KLHL23: variants seen among roughly 807,000 people sequenced by gnomAD.
KLHL23 encodes kelch like family member 23.
In KLHL23, 33 loss-of-function variants were observed where a neutral mutation model predicts 48.9. The ratio of observed to expected loss-of-function variants is 0.67; its 90% confidence interval spans 0.51 to 0.90. KLHL23 has a LOEUF of 0.90. Among genes scored for constraint, KLHL23 ranks in the 40% least tolerant of loss-of-function variants. KLHL23 has a pLI of 0.00. For missense variants in KLHL23, 608 were observed against 669.6 expected, an observed-to-expected ratio of 0.91 and a Z score of 1.02; for synonymous variants, 234 against 231.6, an observed-to-expected ratio of 1.01 and a Z score of -0.09.
intron 1 of KLHL23, among the ~76,000 whole-genome samples, chr2:169,734,551 C>G (rs757694048): frequency 6.6e-6 from 1 of 152,156 alleles, no homozygotes; most frequent in Non-Finnish European, 1.5e-5. Context: ...TTTCCGAGAC[C>G]TCTTCTTGTC....
intron 1 of KLHL23, among the ~76,000 whole-genome samples, chr2:169,734,539 C>G (rs980551986): frequency 6.6e-6 from 1 of 152,186 alleles, no homozygotes; most frequent in East Asian, 1.9e-4. Flanking sequence ...CGGGATTTCC[C>G]TTTTCCGAGA....
intron 3 of KLHL23, among the ~76,000 whole-genome samples, chr2:169,745,900 G>GC (rs1320897143): frequency 6.6e-6 from 1 of 152,182 alleles, no homozygotes; most frequent in African/African-American, 2.4e-5. Flanking sequence ...TGTCCAGCAG[G>GC]CAAAGGGAAA....
At position 169,741,454 on chromosome 2, in the gene KLHL23, G is replaced by C. The variant is rs753602292; in HGVS notation, c.1283G>C (p.Arg428Thr). The stretch of plus-strand genomic sequence containing the variant: ...GTCATTGGTGGCCACTGTGGCTACA[G>C]AGGAAGCTGCACCTATGACAAAGTT... Reference protein sequence around the residue: ...IYVIGGHCGYRGSCTYDKVQS... With the variant: ...IYVIGGHCGYTGSCTYDKVQS... The change falls in exon 3 of 4, where the codon AGA becomes ACA. Residue 428 changes from arginine to threonine, a missense_variant. Around this residue, in one of 3 missense-constraint regions of KLHL23, gnomAD observed 179 missense variants for 169.9 expected, o/e 1.05. Coordinates refer to ENST00000392647, the MANE Select transcript of KLHL23 (RefSeq NM_144711.6). 1 of 1,614,058 alleles carries C rather than the reference G, an allele frequency of 6.2e-7. No individual in the cohort carries two copies.
chr2:169,748,771 G>GGC (rs1688866941), intron 3 of KLHL23, among the ~76,000 whole-genome samples: 3 of 110,266 alleles, frequency 2.7e-5, no homozygotes, highest in African/African-American at 8.9e-5. Context: ...GAGGAGGACC[G>GGC]CCCCCCCCCC....
In KLHL23 at chr2:169,735,935, T is replaced by A; in HGVS notation, c.921T>A (p.Asp307Glu). Residue 307 changes from aspartate (D) to glutamate (E), a missense_variant, in exon 2 of 4, where the codon GAT (aspartate) becomes GAA (glutamate). Coordinates refer to ENST00000392647, the MANE Select transcript of KLHL23 (RefSeq NM_144711.6). The surrounding 1 kb of genome is among the most constrained non-coding windows in gnomAD (Gnocchi z 4.5). The stretch of plus-strand genomic sequence containing the variant: ...GGATTCAGGGAGCAGAAATACCAGA[T>A]TATACCAGGGAGAGCTATGGTGTTA... ...NVWIQGAEIP[D>E]YTRESYGVTC... The A allele has an allele frequency of 6.2e-7, 1 of 1,614,152 alleles. No individual in the cohort carries two copies. Among genetic ancestry groups the A allele is most frequent in the Non-Finnish European group, 8.5e-7 (1 of 1,180,040 alleles).
intron 2 of KLHL23, among the ~76,000 whole-genome samples, chr2:169,739,147 G>A (rs893052625): frequency 3.5e-5 from 5 of 142,594 alleles, no homozygotes; most frequent in Admixed American, 1.4e-4. Flanking sequence ...CCTCAAAATC[G>A]GTTTGGTTTG....
At chr2:169,745,336 C>T (rs1216569666) in intron 3 of KLHL23, among the ~76,000 whole-genome samples, 5 of 151,556 alleles carry the variant, frequency 3.3e-5, no homozygotes, top group Non-Finnish European at 7.4e-5. Flanking sequence ...CATGGTGAAA[C>T]CCCATCTCTA....
intron 3 of KLHL23, 82 bp from the exon 4 acceptor site, chr2:169,749,340 A>G (rs1179035050): frequency 1.4e-6 from 2 of 1,380,970 alleles, no homozygotes; most frequent in Admixed American, 2.8e-5. Context: ...ATTTTAAAGG[A>G]TTATTACATT....
At chr2:169,739,256 C>T (rs774424375) in intron 2 of KLHL23, among the ~76,000 whole-genome samples, 5 of 151,898 alleles carry the variant, frequency 3.3e-5, no homozygotes, top group South Asian at 2.1e-4. Context: ...ATCAGGCCCT[C>T]GAGACCGCCC....
chr2:169,735,932 A>C lies in KLHL23; in HGVS notation c.918A>C (p.Pro306=). The part of the protein sequence containing the change: ...TNVWIQGAEI[P]DYTRESYGVT... ...TTTGGATTCAGGGAGCAGAAATACC[A>C]GATTATACCAGGGAGAGCTATGGTG... is the stretch of plus-strand genomic sequence containing the variant. The change falls in exon 2 of 4, where the codon CCA becomes CCC. Residue 306 remains proline (P), a synonymous_variant. Coordinates refer to ENST00000392647, the MANE Select transcript of KLHL23 (RefSeq NM_144711.6). This position sits in a 1 kb window ranked among gnomAD's most constrained non-coding sequence, Gnocchi z 4.5. 1 of 1,614,158 alleles carries C rather than the reference A, an allele frequency of 6.2e-7. No individual in the cohort carries two copies. The highest frequency in any genetic ancestry group is 8.5e-7 in the Non-Finnish European group (1 of 1,180,034).
Position 169,749,882 on chromosome 2 carries a change from C to T in KLHL23, c.*150C>T. ...GTAATTCCTAACCCTACTGTACTCC[C>T]AAACATGGTGATTCATGGTCAAGAA... On this transcript the variant is annotated 3_prime_UTR_variant, in exon 4 of 4. Coordinates refer to ENST00000392647, the MANE Select transcript of KLHL23 (RefSeq NM_144711.6). 2.7e-6 allele frequency: 2 copies of T among 752,438 alleles called. No homozygotes were observed. The highest frequency in any genetic ancestry group is 3.5e-5 in the Admixed American group (1 of 28,574). The allele number at this position is 752,438 out of a possible 1,614,324, so 46.6% of individuals were successfully genotyped here.
intron 2 of KLHL23, among the ~76,000 whole-genome samples, chr2:169,738,652 A>G (rs1688572139): frequency 6.6e-6 from 1 of 152,038 alleles, no homozygotes; most frequent in African/African-American, 2.4e-5. Flanking sequence ...TTCCATCATA[A>G]CTGCTCTACT....
intron 1 of KLHL23, 101 bp from the exon 2 acceptor site, chr2:169,734,911 CA>C: frequency 5.7e-6 from 8 of 1,409,594 alleles, no homozygotes; most frequent in Non-Finnish European, 7.5e-6. Context: ...GAACTTAGTC[CA>C]GTTTTGGAGT....
At position 169,735,882 on chromosome 2, in the gene KLHL23, C is replaced by A; in HGVS notation, c.868C>A (p.His290Asn). The part of the protein sequence containing the change: ...GYYWHPLSEV[H>N]IWDPLTNVWI... The stretch of plus-strand genomic sequence containing the variant: ...TTACTGGCATCCTTTATCAGAGGTT[C>A]ACATATGGGATCCTTTGACAAATGT... The change falls in exon 2 of 4, where the codon CAC (histidine) becomes AAC (asparagine). Residue 290 changes from histidine (H) to asparagine (N), a missense_variant. Coordinates refer to ENST00000392647, the MANE Select transcript of KLHL23 (RefSeq NM_144711.6). The surrounding 1 kb of genome is among the most constrained non-coding windows in gnomAD (Gnocchi z 4.5). 6.2e-7 allele frequency: 1 copy of A among 1,614,100 alleles called. No homozygotes were observed. The highest frequency in any genetic ancestry group is 8.5e-7 in the Non-Finnish European group (1 of 1,180,038).
intron 3 of KLHL23, among the ~76,000 whole-genome samples, chr2:169,743,566 A>G (rs1688724286): frequency 6.6e-6 from 1 of 152,238 alleles, no homozygotes; most frequent in South Asian, 2.1e-4. Context: ...CTTGTTACCA[A>G]TATTTAAAAT....
In KLHL23 at chr2:169,750,117, T is replaced by TATAC. The variant is rs1688936125; in HGVS notation, c.*388_*389insCATA. ...ATATGTGTATACATATATATGTGTG[T>TATAC]ATATATATACACATATATACGTATA... On this transcript the variant is annotated 3_prime_UTR_variant, in exon 4 of 4. Transcript: ENST00000392647. The TATAC allele has an allele frequency of 7.0e-6, 1 of 143,402 alleles. No homozygotes were observed. 8.9% of individuals were successfully genotyped at this position (143,402 alleles called of 1,614,324 possible). A position where few individuals can be genotyped will look rare whatever the true frequency, so the allele number is the denominator to read the frequency against.
chr2:169,740,791 T>TATATATATATATAA (rs1291405019), intron 2 of KLHL23, among the ~76,000 whole-genome samples: 2 of 140,238 alleles, frequency 1.4e-5, no homozygotes, highest in Non-Finnish European at 1.5e-5. Flanking sequence ...TATATATATA[T>TATATATATATATAA]AACTTATTTA....
At chr2:169,744,714 T>C (rs761137008) in intron 3 of KLHL23, among the ~76,000 whole-genome samples, 20 of 151,932 alleles carry the variant, frequency 1.3e-4, no homozygotes, top group Admixed American at 5.3e-4. Flanking sequence ...GCTGCTACTT[T>C]GCCCGGCTAA....
chr2:169,735,614 C>T lies in KLHL23; in HGVS notation c.600C>T (p.Ile200=). The T allele has an allele frequency of 6.2e-7, 1 of 1,613,978 alleles. No individual in the cohort carries two copies. Among genetic ancestry groups the T allele is most frequent in the Non-Finnish European group, 8.5e-7 (1 of 1,180,024 alleles). ...TCAGTGTTTGGAAAGAAGAAGCTAT[C>T]ATAGAGCCAGTTATTAAGTGGACTG... ...KNLSVWKEEA[I]IEPVIKWTAH... The change falls in exon 2 of 4, where the codon ATC becomes ATT. Residue 200 remains isoleucine, a synonymous_variant. Transcript: ENST00000392647. The surrounding 1 kb of genome is among the most constrained non-coding windows in gnomAD (Gnocchi z 4.5).
Sources: allele counts gnomAD v4.1 joint callset (sites outside exome capture counted in the v4.1 genomes callset), GRCh38; gene constraint gnomAD v4.1.1; regional missense constraint gnomAD v4.1.1; non-coding constraint Gnocchi (gnomAD v3.1); transcripts MANE v1.5; gene names NCBI Gene and HGNC (gene_info 2026-07-23, HGNC 2026-07-21).